The following FOXP2 variants were observed in gnomAD, a reference collection of about 807,000 sequenced individuals.
FOXP2 encodes forkhead box protein P2.
A neutral mutation model predicts 115.8 loss-of-function variants in FOXP2; 12 were observed. The ratio of observed to expected loss-of-function variants is 0.10; its 90% CI spans 0.07 to 0.17. FOXP2 has a LOEUF of 0.17. Ranked by LOEUF, FOXP2 falls within the 10% of genes least tolerant of loss-of-function variation. FOXP2 has a pLI of 1.00. For synonymous variants in FOXP2, 328 were observed against 297.7 expected, an observed-to-expected ratio of 1.10 and a Z score of -1.05; for missense variants, 629 against 843.5, an observed-to-expected ratio of 0.75 and a Z score of 3.15.
At chr7:114,422,739 T>C (rs1005511790) in intron 1 of FOXP2, among the ~76,000 whole-genome samples, 1 of 151,688 alleles carries the variant, frequency 6.6e-6, no homozygotes, top group Non-Finnish European at 1.5e-5. Flanking sequence ...TTCAAACTTT[T>C]AAACATTGCT....
intron 3 of FOXP2, among the ~76,000 whole-genome samples, chr7:114,604,675 C>T (rs1246316485): frequency 6.6e-6 from 1 of 152,100 alleles, no homozygotes; most frequent in Non-Finnish European, 1.5e-5. Flanking sequence ...TTTACATCTG[C>T]CTCATCTGGT....
chr7:114,369,153 GTGTTA>G (rs1266305984), intron 2 of FOXP2, among the ~76,000 whole-genome samples: 1 of 152,196 alleles, frequency 6.6e-6, no homozygotes, highest in African/African-American at 2.4e-5. Context: ...ATAGCAATAA[GTGTTA>G]TAAGAGGATT....
chr7:114,529,440 T>C (rs1365972447), intron 2 of FOXP2, among the ~76,000 whole-genome samples: 1 of 151,900 alleles, frequency 6.6e-6, no homozygotes, highest in Non-Finnish European at 1.5e-5. Flanking sequence ...ATTTGATTGG[T>C]AAATAGGATG....
At chr7:114,446,711 C>G (rs1794848054) in intron 2 of FOXP2, among the ~76,000 whole-genome samples, 2 of 151,680 alleles carry the variant, frequency 1.3e-5, no homozygotes, top group African/African-American at 4.8e-5. Context: ...TTCATATCCC[C>G]CGCAATGTTT....
chr7:114,270,299 T>C (rs959175531), intron 1 of FOXP2, among the ~76,000 whole-genome samples: 52 of 152,214 alleles, frequency 3.4e-4, no homozygotes, highest in African/African-American at 1.2e-3. Flanking sequence ...TTCATGCTTC[T>C]GTTTGGACTG....
intron 3 of FOXP2, among the ~76,000 whole-genome samples, chr7:114,571,297 G>A (rs558502548): frequency 6.6e-5 from 10 of 151,868 alleles, no homozygotes; most frequent in African/African-American, 2.2e-4. Flanking sequence ...ATATACCAAG[G>A]CCTTTTAAAC....
At chr7:114,517,355 C>T (rs547811509) in intron 2 of FOXP2, among the ~76,000 whole-genome samples, 13 of 152,156 alleles carry the variant, frequency 8.5e-5, no homozygotes, top group East Asian at 3.9e-4. Context: ...GATGCAATCC[C>T]GTCGGTCTAT....
chr7:114,433,078 T>G (rs1289214857), intron 2 of FOXP2, among the ~76,000 whole-genome samples: 1 of 151,998 alleles, frequency 6.6e-6, no homozygotes, highest in East Asian at 1.9e-4. Context: ...TTATGACCAT[T>G]TCATGCCTGA....
intron 2 of FOXP2, among the ~76,000 whole-genome samples, chr7:114,458,153 T>C (rs1034308741): frequency 6.6e-6 from 1 of 152,170 alleles, no homozygotes; most frequent in Non-Finnish European, 1.5e-5. Context: ...TATCTGAACA[T>C]ATGGGTATTG....
At chr7:114,416,127 C>A (rs1282067334) in intron 1 of FOXP2, among the ~76,000 whole-genome samples, 1 of 151,906 alleles carries the variant, frequency 6.6e-6, no homozygotes. Context: ...ATTCTGTCTG[C>A]TTCAAAAAAG....
At chr7:114,251,229 G>A (rs1400463753) in intron 1 of FOXP2, among the ~76,000 whole-genome samples, 8 of 152,258 alleles carry the variant, frequency 5.3e-5, no homozygotes, top group East Asian at 1.9e-4. Context: ...GTCAGGTAGC[G>A]TGATGCCTGC....
intron 1 of FOXP2, among the ~76,000 whole-genome samples, chr7:114,219,445 T>A (rs2129163384): frequency 6.6e-6 from 1 of 152,268 alleles, no homozygotes; most frequent in Non-Finnish European, 1.5e-5. Context: ...TGTCAAAATA[T>A]TTTTTCTGCT....
intron 1 of FOXP2, among the ~76,000 whole-genome samples, chr7:114,168,957 A>C (rs537931035): frequency 6.6e-6 from 1 of 152,196 alleles, no homozygotes. Flanking sequence ...GGCAGCTTCC[A>C]TGTGGTATTG....
intron 1 of FOXP2, among the ~76,000 whole-genome samples, chr7:114,419,454 A>G (rs1470846502): frequency 1.3e-5 from 2 of 151,878 alleles, no homozygotes; most frequent in Non-Finnish European, 2.9e-5. Context: ...GGTCTGCTTC[A>G]TAGTCACTTG....
intron 2 of FOXP2, among the ~76,000 whole-genome samples, chr7:114,354,247 G>C (rs1363545378): frequency 6.6e-6 from 1 of 152,042 alleles, no homozygotes. Flanking sequence ...TGGGTTAGCA[G>C]GCATTTGGAC....
At chr7:114,446,434 C>T (rs917908687) in intron 2 of FOXP2, among the ~76,000 whole-genome samples, 28 of 151,884 alleles carry the variant, frequency 1.8e-4, no homozygotes, top group African/African-American at 6.5e-4. Context: ...AAAATTAATA[C>T]CTCCACTCTT....
upstream of FOXP2, among the ~76,000 whole-genome samples, chr7:114,160,347 G>C (rs1248548710): frequency 6.6e-6 from 1 of 151,992 alleles, no homozygotes; most frequent in Non-Finnish European, 1.5e-5. Context: ...TGTTTTCTGA[G>C]CCCCAAAACT....
At chr7:114,670,970 C>CT (rs550818973) in intron 16 of FOXP2, among the ~76,000 whole-genome samples, 5 of 150,550 alleles carry the variant, frequency 3.3e-5, no homozygotes, top group Admixed American at 6.6e-5. Flanking sequence ...AACATGAAAG[C>CT]TTTTTTTTTG....
At chr7:114,182,343 A>G (rs992723586) in intron 1 of FOXP2, among the ~76,000 whole-genome samples, 1 of 152,108 alleles carries the variant, frequency 6.6e-6, no homozygotes, top group Non-Finnish European at 1.5e-5. Flanking sequence ...TTTTTAAAAA[A>G]GAAAAGTACT....
Sources: gnomAD v4.1 joint callset for allele counts (sites outside exome capture counted in the v4.1 genomes callset) on GRCh38, gnomAD v4.1.1 for gene constraint, MANE v1.5 for transcripts, NCBI Gene and HGNC (gene_info 2026-07-23, HGNC 2026-07-21) for gene names.